Variants in NEBL observed in about 807,000 individuals in gnomAD.
NEBL encodes the protein LIM and SH3 protein 2.
A neutral mutation model predicts 140.2 loss-of-function variants in NEBL; 122 were observed. The observed-to-expected ratio is 0.87, with a 90% CI of 0.75 to 1.01. The LOEUF is 1.01. Ranked by LOEUF, NEBL falls within the 50% of genes least tolerant of loss-of-function variation. The pLI, the probability that NEBL is intolerant of heterozygous loss-of-function variation, is 0.00. For synonymous variants in NEBL, 436 were observed against 398.9 expected (o/e 1.09, Z -1.11); for missense variants, 1,365 against 1,231.3 (o/e 1.11, Z -1.62).
chr10:21,221,593 C>T (rs769588052), intron 3 of NEBL, among the ~76,000 whole-genome samples: 4 of 152,064 alleles, frequency 2.6e-5, no homozygotes, highest in Non-Finnish European at 5.9e-5. Context: ...CAAGCTCTAC[C>T]TCCCAGGCTC....
At chr10:20,977,765 C>T (rs1368953478) in intron 3 of NEBL, among the ~76,000 whole-genome samples, 2 of 152,152 alleles carry the variant, frequency 1.3e-5, no homozygotes, top group African/African-American at 2.4e-5. Flanking sequence ...AGAATGGTAC[C>T]TTTGAAAGTT....
intron 2 of NEBL, chr10:21,125,784 T>C (rs998697159): frequency 6.9e-7 from 1 of 1,441,756 alleles, no homozygotes; most frequent in African/African-American, 1.4e-5. Flanking sequence ...TAAAATTTTA[T>C]TGTATATGGT....
chr10:21,149,099 A>G (rs1840033842), intron 2 of NEBL, among the ~76,000 whole-genome samples: 1 of 152,110 alleles, frequency 6.6e-6, no homozygotes, highest in Non-Finnish European at 1.5e-5. Context: ...GTGTCTAATC[A>G]CATTTCTCCA....
At chr10:21,006,779 T>G (rs75074306) in intron 3 of NEBL, among the ~76,000 whole-genome samples, 2,601 of 152,328 alleles carry the variant, frequency 0.017, 72 homozygotes, top group African/African-American at 0.059. Flanking sequence ...CATGATTTAA[T>G]TTTGCCAAGG....
At chr10:21,051,131 GAAA>G (rs1197903363) in intron 2 of NEBL, among the ~76,000 whole-genome samples, 2 of 152,110 alleles carry the variant, frequency 1.3e-5, no homozygotes, top group South Asian at 4.2e-4. Context: ...CTAGAGATAG[GAAA>G]AAAACACATA....
In NEBL at chr10:21,027,807, G is replaced by C. The variant is rs1255366293; in HGVS notation, c.165-7606C>G. On this transcript the variant is annotated intron_variant, in intron 2 of 6. Coordinates refer to the NEBL transcript ENST00000417816. The stretch of plus-strand genomic sequence containing the variant: ...CCAATGACCAAGACCATAACTAACT[G>C]TTAGGGATGTAGGAAGATGATAGAA... 2.0e-5 allele frequency among the ~76,000 whole-genome samples: 3 copies of C among 152,246 alleles called. No individual in the cohort carries two copies. In the East Asian group the frequency reaches 5.8e-4, roughly 29 times the overall value.
chr10:21,044,235 G>A (rs1010431164), intron 2 of NEBL, among the ~76,000 whole-genome samples: 2 of 151,324 alleles, frequency 1.3e-5, no homozygotes, highest in African/African-American at 4.9e-5. Flanking sequence ...CATCTCTACC[G>A]AAAATACAAA....
chr10:21,134,917 C>T (rs1361306248), intron 2 of NEBL, among the ~76,000 whole-genome samples: 3 of 152,156 alleles, frequency 2.0e-5, no homozygotes, highest in South Asian at 2.1e-4. Context: ...TCTCAAAATC[C>T]GTTTGTGGTC....
chr10:20,886,307 G>C (rs1485339182), intron 4 of NEBL, among the ~76,000 whole-genome samples: 1 of 152,086 alleles, frequency 6.6e-6, no homozygotes, highest in African/African-American at 2.4e-5. Flanking sequence ...CAGATCGCCT[G>C]AGGTCAGGAG....
At chr10:21,264,499 C>T (rs541765739) in intron 1 of NEBL, among the ~76,000 whole-genome samples, 73 of 152,040 alleles carry the variant, frequency 4.8e-4, no homozygotes, top group Admixed American at 9.8e-4. Context: ...CCTTCTGACT[C>T]ACTCAAAGTA....
intron 1 of NEBL, among the ~76,000 whole-genome samples, chr10:21,257,922 C>T (rs1842682886): frequency 6.6e-6 from 1 of 151,642 alleles, no homozygotes; most frequent in Non-Finnish European, 1.5e-5. Context: ...TCAAAACACA[C>T]ACACACACAC....
At chr10:21,214,299 A>G (rs1841956903) in intron 3 of NEBL, among the ~76,000 whole-genome samples, 1 of 152,156 alleles carries the variant, frequency 6.6e-6, no homozygotes, top group African/African-American at 2.4e-5. Context: ...GGTATCAAAT[A>G]AAGCATTCTT....
chr10:20,959,360 T>G (rs1835947534), intron 4 of NEBL, among the ~76,000 whole-genome samples: 1 of 152,146 alleles, frequency 6.6e-6, no homozygotes, highest in South Asian at 2.1e-4. Flanking sequence ...GTCTAGACAC[T>G]TTCTCACCTG....
intron 4 of NEBL, among the ~76,000 whole-genome samples, chr10:20,907,254 T>C (rs2131450713): frequency 6.6e-6 from 1 of 152,300 alleles, no homozygotes; most frequent in Non-Finnish European, 1.5e-5. Context: ...AAATAAGTCT[T>C]CAGTGTGGAA....
At chr10:20,858,193 C>T (rs753927360) in intron 9 of NEBL, 47 bp downstream of exon 9, 1 of 1,463,230 alleles carries the variant, frequency 6.8e-7, no homozygotes, top group Admixed American at 1.7e-5. Context: ...ATATTGGCTT[C>T]TTGGAGCCAC....
chr10:21,067,844 G>A (rs1395253287), intron 2 of NEBL, among the ~76,000 whole-genome samples: 2 of 152,022 alleles, frequency 1.3e-5, no homozygotes, highest in Admixed American at 1.3e-4. Flanking sequence ...AGCTGGGCAT[G>A]GTGGCGAACC....
chr10:21,028,853 T>G, intron 2 of NEBL: 1 of 309,456 alleles, frequency 3.2e-6, no homozygotes. Context: ...GGAGAAACAA[T>G]TCAATAATCA....
intron 4 of NEBL, among the ~76,000 whole-genome samples, chr10:20,929,131 G>C (rs1834054107): frequency 2.6e-5 from 4 of 152,088 alleles, no homozygotes; most frequent in South Asian, 2.1e-4. Flanking sequence ...CAGAGGAAAA[G>C]AAATCAACAT....
At chr10:20,952,904 CA>C (rs34713711) in intron 4 of NEBL, among the ~76,000 whole-genome samples, 185 of 62,318 alleles carry the variant, frequency 3.0e-3, no homozygotes, top group South Asian at 0.018. Flanking sequence ...GACCCTGTCT[CA>C]AAAAAAAAAA....
Sources: gnomAD v4.1 joint callset for allele counts (sites outside exome capture counted in the v4.1 genomes callset) on GRCh38, gnomAD v4.1.1 for gene constraint, MANE v1.5 for transcripts, NCBI Gene and HGNC (gene_info 2026-07-23, HGNC 2026-07-21) for gene names.